The following BRINP3 variants were observed in gnomAD, a reference collection of about 807,000 sequenced individuals.
BRINP3 encodes BMP/retinoic acid inducible neural specific 3, also known as BMP/retinoic acid-inducible neural-specific protein 3.
BRINP3 carries 19 observed loss-of-function variants against 71.0 expected under a neutral mutation model. The ratio of observed to expected loss-of-function variants is 0.27; its 90% confidence interval spans 0.19 to 0.39. The LOEUF (loss-of-function observed/expected upper bound fraction) is 0.39. Among genes scored for constraint, BRINP3 ranks in the 10% least tolerant of loss-of-function variants. BRINP3 has a pLI of 1.00. For missense variants in BRINP3, 959 were observed against 940.8 expected (o/e 1.02, Z -0.25); for synonymous variants, 380 against 337.7 (o/e 1.13, Z -1.37).
At chr1:190,099,635 T>C (rs906313402) in intron 7 of BRINP3, among the ~76,000 whole-genome samples, 1 of 152,044 alleles carries the variant, frequency 6.6e-6, no homozygotes, top group African/African-American at 2.4e-5. Context: ...GAATAGAAAG[T>C]AAAAGAAAAA....
At position 190,098,578 on chromosome 1, in the gene BRINP3, A is replaced by C. The variant is rs1162234458; in HGVS notation, c.1741T>G (p.Ser581Ala). Residue 581 changes from serine (S) to alanine (A), a missense_variant, in exon 8 of 8, where the codon TCT (serine) becomes GCT (alanine). Ser to Ala is a moderately conservative substitution (Grantham distance 99). Coordinates refer to ENST00000367462, the MANE Select transcript of BRINP3 (RefSeq NM_199051.3). Reference sequence around the variant, plus strand: ...TTCACAGGCATAAACCAGCTCTCAGAGTGGCTGCCTCCGAAGGGATTGACA... The same window carrying C: ...TTCACAGGCATAAACCAGCTCTCAGCGTGGCTGCCTCCGAAGGGATTGACA... ...VYVNPFGGSH[S>A]ESWFMPVNEN... The C allele has an allele frequency of 1.2e-6, 2 of 1,614,174 alleles. No homozygotes were observed. Among genetic ancestry groups the C allele is most frequent in the Non-Finnish European group, 1.7e-6 (2 of 1,180,038 alleles).
chr1:190,151,404 G>A (rs1656382240), intron 7 of BRINP3, among the ~76,000 whole-genome samples: 1 of 152,088 alleles, frequency 6.6e-6, no homozygotes, highest in Non-Finnish European at 1.5e-5. Flanking sequence ...ACACTATGTG[G>A]CTCATCTACA....
chr1:190,240,413 GAA>G (rs1658950701), intron 4 of BRINP3, among the ~76,000 whole-genome samples: 1 of 151,912 alleles, frequency 6.6e-6, no homozygotes, highest in South Asian at 2.1e-4. Flanking sequence ...AGGGGTATCA[GAA>G]AAAGACCCCA....
chr1:190,180,722 C>T (rs1652955710), intron 6 of BRINP3, among the ~76,000 whole-genome samples: 1 of 151,914 alleles, frequency 6.6e-6, no homozygotes, highest in Non-Finnish European at 1.5e-5. Flanking sequence ...TTTTCAAAGA[C>T]TTTAGAAGTC....
intron 1 of BRINP3, among the ~76,000 whole-genome samples, chr1:190,457,278 C>T (rs1468196735): frequency 6.6e-6 from 1 of 152,014 alleles, no homozygotes; most frequent in African/African-American, 2.4e-5. Context: ...CCTTTCTCTA[C>T]TAAAAATATA....
At chr1:190,246,983 C>A (rs1659670268) in intron 4 of BRINP3, among the ~76,000 whole-genome samples, 1 of 151,880 alleles carries the variant, frequency 6.6e-6, no homozygotes, top group Admixed American at 6.6e-5. Flanking sequence ...ACTCAGGCAC[C>A]TTCTCCACTT....
chr1:190,408,984 G>A lies in BRINP3; in HGVS notation c.236+45671C>T, dbSNP rs1315287476. Among the ~76,000 whole-genome samples the A allele has an allele frequency of 9.2e-5, 14 of 152,286 alleles. No individual in the cohort carries two copies. In the South Asian group the frequency reaches 2.9e-3, roughly 32 times the overall value. Reference sequence around the variant, plus strand: ...TGTTGTAACAACCTGGAAGTGGGGGGAGTTGTTGCTAGTAGCATCTGGCAG... The same window carrying A: ...TGTTGTAACAACCTGGAAGTGGGGGAAGTTGTTGCTAGTAGCATCTGGCAG... On this transcript the variant is annotated intron_variant, in intron 2 of 7. Coordinates refer to ENST00000367462, the MANE Select transcript of BRINP3 (RefSeq NM_199051.3).
At chr1:190,246,806 T>C (rs1203850079) in intron 4 of BRINP3, among the ~76,000 whole-genome samples, 1 of 151,996 alleles carries the variant, frequency 6.6e-6, no homozygotes, top group Non-Finnish European at 1.5e-5. Flanking sequence ...TTGTGCCTTC[T>C]ACCAGCAGCC....
At chr1:190,306,692 C>T (rs969392813) in intron 2 of BRINP3, among the ~76,000 whole-genome samples, 4 of 151,030 alleles carry the variant, frequency 2.6e-5, no homozygotes, top group African/African-American at 4.9e-5. Flanking sequence ...TGTCCTAGAG[C>T]GCAACTATTT....
intron 1 of BRINP3, chr1:190,476,099 G>A (rs1677482317): frequency 7.0e-6 from 1 of 143,782 alleles, no homozygotes; most frequent in South Asian, 2.3e-4. Flanking sequence ...AGGGGGAAAA[G>A]CCCTTGAATC....
At chr1:190,166,157 C>T (rs1182219471) in intron 6 of BRINP3, among the ~76,000 whole-genome samples, 1 of 152,020 alleles carries the variant, frequency 6.6e-6, no homozygotes, top group Non-Finnish European at 1.5e-5. Context: ...CGGAAACTGA[C>T]AAAATACTAT....
chr1:190,180,912 T>C (rs1652975844), intron 6 of BRINP3, among the ~76,000 whole-genome samples: 1 of 152,012 alleles, frequency 6.6e-6, no homozygotes, highest in Admixed American at 6.6e-5. Flanking sequence ...ATGATTGTAT[T>C]TTACATCAGT....
At chr1:190,110,597 T>TA (rs1311782819) in intron 7 of BRINP3, among the ~76,000 whole-genome samples, 1 of 152,188 alleles carries the variant, frequency 6.6e-6, no homozygotes, top group Non-Finnish European at 1.5e-5. Context: ...TAGAGTATGT[T>TA]AAAGCCAGAT....
intron 2 of BRINP3, among the ~76,000 whole-genome samples, chr1:190,303,569 T>C (rs946377279): frequency 2.0e-5 from 3 of 151,760 alleles, no homozygotes; most frequent in Non-Finnish European, 4.4e-5. Flanking sequence ...TTTAATAAAA[T>C]TGCAATTAAG....
At chr1:190,318,093 A>G (rs1666006267) in intron 2 of BRINP3, among the ~76,000 whole-genome samples, 1 of 152,104 alleles carries the variant, frequency 6.6e-6, no homozygotes, top group Admixed American at 6.6e-5. Flanking sequence ...TTGGTAAATA[A>G]TTGAACAAGG....
chr1:190,125,529 G>C (rs1234622535), intron 7 of BRINP3, among the ~76,000 whole-genome samples: 1 of 151,872 alleles, frequency 6.6e-6, no homozygotes, highest in Non-Finnish European at 1.5e-5. Context: ...GTGAGATTGA[G>C]ATAGCTATTC....
At chr1:190,267,658 G>A (rs1176589975) in intron 3 of BRINP3, among the ~76,000 whole-genome samples, 3 of 152,018 alleles carry the variant, frequency 2.0e-5, no homozygotes, top group South Asian at 2.1e-4. Flanking sequence ...AAAAAACACC[G>A]ATTAGTTAAC....
chr1:190,319,535 C>A (rs1453179417), intron 2 of BRINP3, among the ~76,000 whole-genome samples: 2 of 152,072 alleles, frequency 1.3e-5, no homozygotes, highest in African/African-American at 4.8e-5. Flanking sequence ...GTTCCACAGG[C>A]TGTACAGAAA....
intron 2 of BRINP3, among the ~76,000 whole-genome samples, chr1:190,441,738 AT>A (rs1272319607): frequency 6.6e-6 from 1 of 152,136 alleles, no homozygotes; most frequent in Admixed American, 6.5e-5. Flanking sequence ...ATATGGACAC[AT>A]GCAATGCTCT....
Sources: allele counts gnomAD v4.1 joint callset (sites outside exome capture counted in the v4.1 genomes callset), GRCh38; gene constraint gnomAD v4.1.1; transcripts MANE v1.5; gene names NCBI Gene and HGNC (gene_info 2026-07-23, HGNC 2026-07-21).